IGSF9B: variants seen among roughly 807,000 people sequenced by gnomAD.
IGSF9B encodes the protein immunoglobulin superfamily member 9B.
IGSF9B carries 48 observed loss-of-function variants against 143.7 expected under a neutral mutation model. That is an observed-to-expected ratio of 0.33 (90% CI 0.26 to 0.42). IGSF9B has a LOEUF of 0.42. Ranked by LOEUF, IGSF9B falls within the 20% of genes least tolerant of loss-of-function variation. The pLI is 1.00. For missense variants in IGSF9B, 1,706 were observed against 1,980.0 expected, an observed-to-expected ratio of 0.86 and a Z score of 2.63; for synonymous variants, 903 against 833.1, an observed-to-expected ratio of 1.08 and a Z score of -1.44.
intron 3 of IGSF9B, among the ~76,000 whole-genome samples, chr11:133,940,054 G>A (rs1214345312): frequency 1.7e-5 from 2 of 119,668 alleles, no homozygotes; most frequent in South Asian, 2.7e-4. Flanking sequence ...GTCCTCGCAC[G>A]TGTCATCATA....
rs954220627 is a variant in IGSF9B at position 133,953,372 on chromosome 11, G to A, written c.64+3319C>T. On this transcript the variant is annotated intron_variant, in intron 1 of 19. Transcript: ENST00000533871. The surrounding 1 kb of genome is among the most constrained non-coding windows in gnomAD (Gnocchi z 4.2). ...CCCCGTCTCCCCAGCTTCCCACAGGGCACAGGCTGCCAGACACACTCCTGT... is the reference window on the plus strand; with the variant it reads ...CCCCGTCTCCCCAGCTTCCCACAGGACACAGGCTGCCAGACACACTCCTGT... Among the ~76,000 whole-genome samples, 2 of 152,088 alleles carry A rather than the reference G, an allele frequency of 1.3e-5. No homozygotes were observed. Among genetic ancestry groups the A allele is most frequent in the African/African-American group, 4.8e-5 (2 of 41,400 alleles).
At chr11:133,954,572 T>G (rs1198753619) in intron 1 of IGSF9B, among the ~76,000 whole-genome samples, 1 of 152,212 alleles carries the variant, frequency 6.6e-6, no homozygotes, top group Non-Finnish European at 1.5e-5. Flanking sequence ...AGGTAGTTGT[T>G]TTGTTTCCTT....
chr11:133,934,220 G>A (rs1383644890), intron 7 of IGSF9B, among the ~76,000 whole-genome samples: 1 of 152,206 alleles, frequency 6.6e-6, no homozygotes, highest in African/African-American at 2.4e-5. Context: ...GATGGCCTAT[G>A]GCTTCGAGGA....
chr11:133,946,243 C>A lies in IGSF9B; in HGVS notation c.80G>T (p.Arg27Leu). The change falls in exon 2 of 20, where the codon CGA (arginine) becomes CTA (leucine). Residue 27 changes from arginine (R) to leucine (L), a missense_variant. Transcript: ENST00000533871. ...GLAAEGAHGL[R>L]EEPEFVTARA... ...TGCCGTCACAAACTCGGGCTCCTCTCGCAGGCCGTGGGCGCCTGATGGGGA... is the reference window on the plus strand; with the variant it reads ...TGCCGTCACAAACTCGGGCTCCTCTAGCAGGCCGTGGGCGCCTGATGGGGA... The A allele has an allele frequency of 1.9e-6, 3 of 1,613,504 alleles. No homozygotes were observed. The South Asian group carries it at 3.3e-5, about 18-fold the overall frequency.
chr11:133,926,139 C>T (rs1939621866), intron 13 of IGSF9B, among the ~76,000 whole-genome samples, 174 bp from the exon 14 acceptor site: 2 of 152,160 alleles, frequency 1.3e-5, no homozygotes, highest in African/African-American at 2.4e-5. Flanking sequence ...ATGAGGGAAT[C>T]GTGTACTGCA....
chr11:133,927,478 T>C (rs960397126), intron 12 of IGSF9B, among the ~76,000 whole-genome samples: 1 of 152,024 alleles, frequency 6.6e-6, no homozygotes, highest in African/African-American at 2.4e-5. Context: ...AGTGGCAGGA[T>C]GAGGGAAGGA....
At chr11:133,938,665 T>C (rs1033485550) in intron 3 of IGSF9B, among the ~76,000 whole-genome samples, 1 of 152,178 alleles carries the variant, frequency 6.6e-6, no homozygotes, top group African/African-American at 2.4e-5. Context: ...CGGTCAATCT[T>C]AACCCCTTGG....
chr11:133,926,896 A>T lies in IGSF9B; in HGVS notation c.1807+20T>A, dbSNP rs1443098122. The T allele has an allele frequency of 6.4e-7, 1 of 1,556,910 alleles. No individual in the cohort carries two copies. On this transcript the variant is annotated intron_variant, in intron 13 of 19. Coordinates refer to ENST00000533871, the MANE Select transcript of IGSF9B (RefSeq NM_001277285.4). ...CACCTCTACAACCCCCGCTCCCAAC[A>T]TCCCACCCCGGGCCCTCACCTAAAG... is the stretch of plus-strand genomic sequence containing the variant.
rs925179979 is a variant in IGSF9B, at chr11:133,928,617, G to A, written c.1631+1054C>T. Among the ~76,000 whole-genome samples the A allele has an allele frequency of 2.0e-5, 3 of 152,138 alleles. No individual in the cohort carries two copies. Among genetic ancestry groups the A allele is most frequent in the Non-Finnish European group, 4.4e-5 (3 of 68,022 alleles). On this transcript the variant is annotated intron_variant, in intron 12 of 19. Coordinates refer to ENST00000533871, the MANE Select transcript of IGSF9B (RefSeq NM_001277285.4). The surrounding 1 kb of genome is among the most constrained non-coding windows in gnomAD (Gnocchi z 4.7). ...TCTAAAAGAAGGCACTGAGGGGCTC[G>A]CCCTCCCAGCTCAAGGTTGTCACCC... is the stretch of plus-strand genomic sequence containing the variant.
chr11:133,915,213 G>A (rs937566649), intron 18 of IGSF9B, among the ~76,000 whole-genome samples: 5 of 148,472 alleles, frequency 3.4e-5, no homozygotes, highest in East Asian at 2.0e-4. Context: ...GCACAGAGGT[G>A]TTTTTTGCAG....
At chr11:133,915,070 G>T (rs1591708401) in intron 18 of IGSF9B, among the ~76,000 whole-genome samples, 1 of 152,164 alleles carries the variant, frequency 6.6e-6, no homozygotes, top group East Asian at 1.9e-4. Context: ...GGCTCTCCAA[G>T]AATTTAAGGT....
intron 3 of IGSF9B, among the ~76,000 whole-genome samples, chr11:133,943,048 C>T (rs765563235): frequency 2.6e-5 from 4 of 152,136 alleles, no homozygotes; most frequent in African/African-American, 2.4e-5. Flanking sequence ...GCCCAGCCCC[C>T]CCAGGCAGGG....
intron 18 of IGSF9B, among the ~76,000 whole-genome samples, chr11:133,912,935 G>T (rs928224821): frequency 1.3e-5 from 2 of 152,222 alleles, no homozygotes; most frequent in Non-Finnish European, 2.9e-5. Flanking sequence ...GGAGCCAAGA[G>T]AGCTGAGAGG....
chr11:133,951,745 C>T (rs922182704), intron 1 of IGSF9B, among the ~76,000 whole-genome samples: 1 of 152,184 alleles, frequency 6.6e-6, no homozygotes, highest in South Asian at 2.1e-4. Context: ...CAGGTGCACG[C>T]GCCCCTGCAG....
chr11:133,929,703 A>G lies in IGSF9B; in HGVS notation c.1599T>C (p.Tyr533=), dbSNP rs1457017911. ...AGAATGTCTGCTCGTAGCCTCCATCATAGCCTGGTTCCCAGGACACGTTGG... is the reference window on the plus strand; with the variant it reads ...AGAATGTCTGCTCGTAGCCTCCATCGTAGCCTGGTTCCCAGGACACGTTGG... ...TTANVSWEPG[Y]DGGYEQTFSV... The change falls in exon 12 of 20, where the codon TAT becomes TAC. Residue 533 remains tyrosine, a synonymous_variant. Coordinates refer to ENST00000533871, the MANE Select transcript of IGSF9B (RefSeq NM_001277285.4). The G allele has an allele frequency of 1.2e-6, 2 of 1,613,752 alleles. No homozygotes were observed. Among genetic ancestry groups the G allele is most frequent in the Middle Eastern group, 1.7e-4 (1 of 6,060 alleles).
chr11:133,904,218 C>T lies in IGSF9B; in HGVS notation c.*4851G>A, dbSNP rs1472726999. Among the ~76,000 whole-genome samples, 1 of 152,124 alleles carries T rather than the reference C, an allele frequency of 6.6e-6. No individual in the cohort carries two copies. Among genetic ancestry groups the T allele is most frequent in the African/African-American group, 2.4e-5 (1 of 41,414 alleles). ...CTATCACCATCACCATCACCAAGGC[C>T]CATGAACATTTTCAGATTGTGGACG... is the stretch of plus-strand genomic sequence containing the variant. On this transcript the variant is annotated 3_prime_UTR_variant, in exon 20 of 20. Transcript: ENST00000533871.
At chr11:133,944,582 T>C (rs1372403816) in intron 2 of IGSF9B, among the ~76,000 whole-genome samples, 2 of 152,160 alleles carry the variant, frequency 1.3e-5, no homozygotes, top group African/African-American at 4.8e-5. Flanking sequence ...CCGCCCCAGC[T>C]GGCCCTGCCC....
In IGSF9B at chr11:133,937,318, C is replaced by T. The variant is rs528109815; in HGVS notation, c.679+58G>A. Reference sequence around the variant, plus strand: ...GGGAAAACGCCCTCCGTAGCTCAGCCGGGCTGGACATCCCCGCGGGAGCCC... The same window carrying T: ...GGGAAAACGCCCTCCGTAGCTCAGCTGGGCTGGACATCCCCGCGGGAGCCC... On this transcript the variant is annotated intron_variant, in intron 5 of 19. Transcript: ENST00000533871. 43 of 1,322,424 alleles carry T rather than the reference C, an allele frequency of 3.3e-5. 1 individual carries two copies. The East Asian group carries it at 6.0e-4, about 18-fold the overall frequency. 81.9% of individuals were successfully genotyped at this position (1,322,424 alleles called of 1,614,324 possible). A position where few individuals can be genotyped will look rare whatever the true frequency, so the allele number is the denominator to read the frequency against.
intron 3 of IGSF9B, among the ~76,000 whole-genome samples, chr11:133,940,143 C>T (rs1162977159): frequency 7.6e-5 from 11 of 144,108 alleles, no homozygotes; most frequent in Non-Finnish European, 1.7e-4. Context: ...CACGCGTCAT[C>T]GCACGCAAAA....
Sources: allele counts gnomAD v4.1 joint callset (sites outside exome capture counted in the v4.1 genomes callset), GRCh38; gene constraint gnomAD v4.1.1; non-coding constraint Gnocchi (gnomAD v3.1); transcripts MANE v1.5; gene names NCBI Gene and HGNC (gene_info 2026-07-23, HGNC 2026-07-21).